The following BLNK variants were observed in gnomAD, a reference collection of about 807,000 sequenced individuals.
BLNK encodes the protein B-cell linker protein.
In BLNK, 29 loss-of-function variants were observed where a neutral mutation model predicts 73.5. The ratio of observed to expected loss-of-function variants is 0.39; its 90% CI spans 0.29 to 0.54. The LOEUF (loss-of-function observed/expected upper bound fraction) is 0.54. Among genes scored for constraint, BLNK ranks in the 20% least tolerant of loss-of-function variants. The pLI, the probability that BLNK is intolerant of heterozygous loss-of-function variation, is 0.61. For synonymous variants in BLNK, 176 were observed against 200.8 expected (o/e 0.88, Z 1.04); for missense variants, 460 against 562.8 (o/e 0.82, Z 1.85).
At chr10:96,215,180 G>T in intron 8 of BLNK, 141 bp downstream of exon 8, 1 of 925,876 alleles carries the variant, frequency 1.1e-6, no homozygotes, top group Non-Finnish European at 1.7e-6. Flanking sequence ...CGTGCCACCA[G>T]ACAGTGCATG....
At chr10:96,243,507 C>T in intron 2 of BLNK, among the ~76,000 whole-genome samples, 1 of 152,094 alleles carries the variant, frequency 6.6e-6, no homozygotes, top group Non-Finnish European at 1.5e-5. Flanking sequence ...TGATCACGCC[C>T]CTGTACTCCA....
intron 6 of BLNK, among the ~76,000 whole-genome samples, chr10:96,221,306 C>A (rs2084192061): frequency 6.6e-6 from 1 of 152,228 alleles, no homozygotes; most frequent in Admixed American, 6.5e-5. Flanking sequence ...AATGTCTTTG[C>A]CCCACCTCCA....
At position 96,200,444 on chromosome 10, in the gene BLNK, C is replaced by A. The variant is rs1483261531; in HGVS notation, c.1012-286G>T. Among the ~76,000 whole-genome samples the A allele has an allele frequency of 5.9e-5, 9 of 151,976 alleles. No individual in the cohort carries two copies. The highest frequency in any genetic ancestry group is 2.6e-4 in the Admixed American group (4 of 15,274). Reference sequence around the variant, plus strand: ...TTCCATTGTGCTCTTATTGCTCTTACTTTGTGGAGTGCTTTACAATTTCCA... The same window carrying A: ...TTCCATTGTGCTCTTATTGCTCTTAATTTGTGGAGTGCTTTACAATTTCCA... On this transcript the variant is annotated intron_variant, in intron 14 of 16. Coordinates refer to ENST00000224337, the MANE Select transcript of BLNK (RefSeq NM_013314.4). The surrounding 1 kb of genome is among the most constrained non-coding windows in gnomAD (Gnocchi z 4.3).
rs1191212210 is a variant in BLNK, at chr10:96,190,678, T to G, written c.*1295A>C. ...TTTCATAGATTGCTATCTTATGCAG[T>G]GGCCAAGTGTGTTCCCCATTTAATT... On this transcript the variant is annotated 3_prime_UTR_variant, in exon 17 of 17. Coordinates refer to ENST00000224337, the MANE Select transcript of BLNK (RefSeq NM_013314.4). Among the ~76,000 whole-genome samples the G allele has an allele frequency of 1.3e-5, 2 of 152,262 alleles. No homozygotes were observed. Among genetic ancestry groups the G allele is most frequent in the Non-Finnish European group, 2.9e-5 (2 of 68,052 alleles).
chr10:96,209,210 C>G (rs1376275841), intron 9 of BLNK, among the ~76,000 whole-genome samples: 1 of 152,132 alleles, frequency 6.6e-6, no homozygotes, highest in Non-Finnish European at 1.5e-5. Context: ...CACTTATTTA[C>G]AGACCATAAA....
At chr10:96,262,518 G>A (rs575845747) in intron 1 of BLNK, among the ~76,000 whole-genome samples, 1 of 152,230 alleles carries the variant, frequency 6.6e-6, no homozygotes, top group African/African-American at 2.4e-5. Flanking sequence ...GGTAAGTGCA[G>A]AGCAAATGTT....
chr10:96,266,735 T>C (rs1554914391), intron 1 of BLNK, among the ~76,000 whole-genome samples: 1 of 152,188 alleles, frequency 6.6e-6, no homozygotes, highest in Non-Finnish European at 1.5e-5. Flanking sequence ...ATGCTGTGCC[T>C]CCTGCCTGCA....
At chr10:96,209,767 A>G (rs2083904562) in intron 9 of BLNK, 71 bp downstream of exon 9, 1 of 1,573,702 alleles carries the variant, frequency 6.4e-7, no homozygotes, top group Admixed American at 1.7e-5. Context: ...TAATGAAGTC[A>G]ACAGGGCAGT....
chr10:96,257,815 A>G (rs1296434879), intron 1 of BLNK, among the ~76,000 whole-genome samples: 1 of 152,202 alleles, frequency 6.6e-6, no homozygotes, highest in Non-Finnish European at 1.5e-5. Context: ...CCCTCTTGTA[A>G]TGCAGGAAAG....
At chr10:96,271,310 A>G (rs781900869) in intron 1 of BLNK, 42 bp downstream of exon 1, 6 of 1,605,070 alleles carry the variant, frequency 3.7e-6, no homozygotes, top group East Asian at 4.5e-5. Flanking sequence ...CTGGGGGGAA[A>G]AAAAGGAGAT....
In BLNK at chr10:96,231,620, A is replaced by G. The variant is rs977833923; in HGVS notation, c.164-786T>C. Among the ~76,000 whole-genome samples, 12 of 151,674 alleles carry G rather than the reference A, an allele frequency of 7.9e-5. 1 individual carries two copies. The highest frequency in any genetic ancestry group is 7.2e-4 in the Admixed American group (11 of 15,208). ...TCCATATCTGTAGTTCCAGCTACTT[A>G]GCAGGCTGAGATGGGAGGATTGCTT... On this transcript the variant is annotated intron_variant, in intron 3 of 16. Transcript: ENST00000224337.
In BLNK at chr10:96,190,776, G is replaced by A. The variant is rs1432091360; in HGVS notation, c.*1197C>T. On this transcript the variant is annotated 3_prime_UTR_variant, in exon 17 of 17. Coordinates refer to ENST00000224337, the MANE Select transcript of BLNK (RefSeq NM_013314.4). ...ACAGTAGAAATATATGACAAAGTAT[G>A]ATACATTTCTGGGATGATCTAAGAC... 6.6e-6 allele frequency among the ~76,000 whole-genome samples: 1 copy of A among 152,172 alleles called. No individual in the cohort carries two copies. Among genetic ancestry groups the A allele is most frequent in the East Asian group, 1.9e-4 (1 of 5,200 alleles).
At chr10:96,242,669 GC>G (rs1486520643) in intron 3 of BLNK, 65 bp downstream of exon 3, 3 of 1,418,360 alleles carry the variant, frequency 2.1e-6, no homozygotes, top group Non-Finnish European at 3.0e-6. Context: ...CTTTCCATAA[GC>G]CTAAATGTAA....
intron 3 of BLNK, among the ~76,000 whole-genome samples, chr10:96,240,552 G>A (rs1256896836): frequency 6.6e-6 from 1 of 152,116 alleles, no homozygotes; most frequent in Non-Finnish European, 1.5e-5. Context: ...GAGCCCCTGT[G>A]CCTGGCTCTA....
At chr10:96,197,149 C>A in intron 15 of BLNK, 86 bp from the exon 16 acceptor site, 1 of 991,826 alleles carries the variant, frequency 1.0e-6, no homozygotes, top group Non-Finnish European at 1.5e-6. Context: ...TGAAGAACAC[C>A]TATATTACAT....
chr10:96,246,439 C>A (rs1564843535), intron 2 of BLNK, among the ~76,000 whole-genome samples: 1 of 152,208 alleles, frequency 6.6e-6, no homozygotes, highest in Non-Finnish European at 1.5e-5. Context: ...GTAATCCCAG[C>A]TATTCGCTGG....
intron 3 of BLNK, among the ~76,000 whole-genome samples, chr10:96,242,430 A>G (rs975852634): frequency 6.6e-6 from 1 of 152,222 alleles, no homozygotes; most frequent in East Asian, 1.9e-4. Context: ...TCTGGACTAT[A>G]AATTCCTCAA....
At chr10:96,228,050 A>C (rs1554903033) in intron 4 of BLNK, among the ~76,000 whole-genome samples, 1 of 151,604 alleles carries the variant, frequency 6.6e-6, no homozygotes, top group Non-Finnish European at 1.5e-5. Context: ...GGTAAGCTGC[A>C]GGGTCAAGGC....
chr10:96,208,272 T>G (rs1456241680), intron 9 of BLNK, among the ~76,000 whole-genome samples: 1 of 152,132 alleles, frequency 6.6e-6, no homozygotes, highest in African/African-American at 2.4e-5. Context: ...AGTGTTTCTG[T>G]GGAGCCCCCT....
Sources: gnomAD v4.1 joint callset for allele counts (sites outside exome capture counted in the v4.1 genomes callset) on GRCh38, gnomAD v4.1.1 for gene constraint, Gnocchi (gnomAD v3.1) non-coding constraint, MANE v1.5 for transcripts, NCBI Gene and HGNC (gene_info 2026-07-23, HGNC 2026-07-21) for gene names.